CROCC: variants seen among roughly 807,000 people sequenced by gnomAD.
CROCC encodes rootletin.
A neutral mutation model predicts 245.2 loss-of-function variants in CROCC; 180 were observed. The ratio of observed to expected loss-of-function variants is 0.73; its 90% CI spans 0.65 to 0.83. The LOEUF (loss-of-function observed/expected upper bound fraction) is 0.83. Among genes scored for constraint, CROCC ranks in the 40% least tolerant of loss-of-function variants. The pLI, the probability that CROCC is intolerant of heterozygous loss-of-function variation, is 0.00. For synonymous variants in CROCC, 1,205 were observed against 1,241.6 expected, an observed-to-expected ratio of 0.97 and a Z score of 0.62; for missense variants, 2,688 against 2,779.4, an observed-to-expected ratio of 0.97 and a Z score of 0.74.
chr1:16,935,631 A>G (rs2075771624), intron 8 of CROCC, among the ~76,000 whole-genome samples: 1 of 152,258 alleles, frequency 6.6e-6, no homozygotes, highest in African/African-American at 2.4e-5. Flanking sequence ...TCACCGTGAT[A>G]GCCAGGATGG....
At chr1:16,953,576 G>A in intron 21 of CROCC, 95 bp downstream of exon 21, 3 of 1,239,032 alleles carry the variant, frequency 2.4e-6, no homozygotes, top group Non-Finnish European at 3.3e-6. Context: ...GGAGCCCTGG[G>A]GCAGGCCACT....
chr1:16,948,036 A>G (rs1457017662), intron 17 of CROCC, among the ~76,000 whole-genome samples: 2 of 152,356 alleles, frequency 1.3e-5, no homozygotes, highest in East Asian at 3.9e-4. Context: ...ACAGGGTTTC[A>G]CCCCGTTGGC....
chr1:16,951,947 A>G, intron 20 of CROCC: 1 of 151,430 alleles, frequency 6.6e-6, no homozygotes, highest in Non-Finnish European at 1.5e-5. Flanking sequence ...GCTGGATTGC[A>G]GTGGCGCAAT....
intron 8 of CROCC, among the ~76,000 whole-genome samples, chr1:16,935,141 C>G (rs1316858471): frequency 6.6e-6 from 1 of 152,336 alleles, no homozygotes; most frequent in Non-Finnish European, 1.5e-5. Context: ...CTCAGGTGAT[C>G]CTCCTGCCTC....
At chr1:16,945,004 A>C (rs1392740547) in intron 14 of CROCC, among the ~76,000 whole-genome samples, 19 of 152,280 alleles carry the variant, frequency 1.2e-4, no homozygotes, top group African/African-American at 4.6e-4. Context: ...AGGCCAAGGC[A>C]GGCAGATCGC....
intron 20 of CROCC, 101 bp downstream of exon 20, chr1:16,951,223 T>C: frequency 8.9e-7 from 1 of 1,129,088 alleles, no homozygotes. Context: ...GGACTTCCTC[T>C]CTGTTGTGGA....
At chr1:16,914,244 G>A (rs1255854756) in intron 1 of CROCC, among the ~76,000 whole-genome samples, 4 of 152,116 alleles carry the variant, frequency 2.6e-5, no homozygotes, top group Non-Finnish European at 4.4e-5. Flanking sequence ...GGGGCTGGGG[G>A]CGCTGTGTGT....
Position 16,954,571 on chromosome 1 carries a change from C to T in CROCC, c.3322-163C>T, listed in dbSNP as rs983401416. ...TGGCGTGAGGGAGAGGCTGGCTACA[C>T]GGGCAGCACTCACTATGCATCCAGG... On this transcript the variant is annotated intron_variant, in intron 22 of 36. Transcript: ENST00000375541. The surrounding 1 kb of genome is among the most constrained non-coding windows in gnomAD (Gnocchi z 4.4). Among the ~76,000 whole-genome samples the T allele has an allele frequency of 2.6e-5, 4 of 152,200 alleles. No homozygotes were observed. Among genetic ancestry groups the T allele is most frequent in the African/African-American group, 7.2e-5 (3 of 41,450 alleles).
rs931521892 is a variant in CROCC at position 16,966,578 on chromosome 1, A to G, written c.4860+7A>G. On this transcript the variant is annotated splice_region_variant and intron_variant, in intron 30 of 36. Coordinates refer to ENST00000375541, the MANE Select transcript of CROCC (RefSeq NM_014675.5). The surrounding 1 kb of genome is among the most constrained non-coding windows in gnomAD (Gnocchi z 4.8). The stretch of plus-strand genomic sequence containing the variant: ...CGAGCTCCGGGCCAGCCAGGTGGGC[A>G]GGAGCTGAGGGCCAGCGGGGCGACG... The G allele has an allele frequency of 2.0e-6, 3 of 1,468,910 alleles. No homozygotes were observed. The highest frequency in any genetic ancestry group is 2.0e-4 in the Middle Eastern group (1 of 4,980). The allele number at this position is 1,468,910 out of a possible 1,614,324, so 91.0% of individuals were successfully genotyped here. A position where few individuals can be genotyped will look rare whatever the true frequency, so the allele number is the denominator to read the frequency against.
chr1:16,966,346 G>T lies in CROCC; in HGVS notation c.4697-62G>T. 1 of 1,469,276 alleles carries T rather than the reference G, an allele frequency of 6.8e-7. No individual in the cohort carries two copies. Among genetic ancestry groups the T allele is most frequent in the South Asian group, 1.4e-5 (1 of 73,780 alleles). The allele number at this position is 1,469,276 out of a possible 1,614,324, so 91.0% of individuals were successfully genotyped here. A position where few individuals can be genotyped will look rare whatever the true frequency, so the allele number is the denominator to read the frequency against. On this transcript the variant is annotated intron_variant, in intron 29 of 36. Coordinates refer to ENST00000375541, the MANE Select transcript of CROCC (RefSeq NM_014675.5). The surrounding 1 kb of genome is among the most constrained non-coding windows in gnomAD (Gnocchi z 4.8). ...GTGGAGTGCAGGCTGGACATTTTGT[G>T]ACCTGGTTTGGGTCTCGGGGCTGTG...
rs774815102 is a variant in CROCC at position 16,946,843 on chromosome 1, G to T, written c.2366G>T (p.Arg789Leu). ...ACAGTGGCGCGGGAAGAGCAGGAAC[G>T]GCTAGAGGAGCTGCGGTTGGAGCAG... The part of the protein sequence containing the change: ...EATVAREEQE[R>L]LEELRLEQEV... Residue 789 changes from arginine to leucine, a missense_variant, in exon 17 of 37, where the codon CGG (arginine) becomes CTG (leucine). Arg to Leu is a moderately radical substitution (Grantham distance 102). Around this residue, in one of 9 missense-constraint regions of CROCC, gnomAD observed 295 missense variants for 241.7 expected, o/e 1.22. Coordinates refer to ENST00000375541, the MANE Select transcript of CROCC (RefSeq NM_014675.5). The T allele has an allele frequency of 2.6e-6, 4 of 1,554,558 alleles. No homozygotes were observed. The South Asian group carries it at 4.7e-5, about 18-fold the overall frequency.
At position 16,970,276 on chromosome 1, in the gene CROCC, TGAG is replaced by T; in HGVS notation, c.5477_5479del (p.Glu1826del). 6.4e-7 allele frequency: 1 copy of T among 1,550,878 alleles called. No individual in the cohort carries two copies. The highest frequency in any genetic ancestry group is 8.7e-7 in the Non-Finnish European group (1 of 1,146,174). On this transcript the variant is annotated inframe_deletion, in exon 34 of 37. Coordinates refer to ENST00000375541, the MANE Select transcript of CROCC (RefSeq NM_014675.5). ...AGGTGCTGCGGCAGCGGCAGGAGGG[TGAG>T]GCTGCAGCCCTGAACACCGTCCAGA...
Position 16,970,408 on chromosome 1 carries a change from G to C in CROCC, c.5607G>C (p.Leu1869=). 6.2e-7 allele frequency: 1 copy of C among 1,604,874 alleles called. No individual in the cohort carries two copies. Among genetic ancestry groups the C allele is most frequent in the Non-Finnish European group, 8.5e-7 (1 of 1,175,898 alleles). Residue 1869 remains leucine (L), a synonymous_variant, in exon 34 of 37, where the codon CTG becomes CTC. Coordinates refer to ENST00000375541, the MANE Select transcript of CROCC (RefSeq NM_014675.5). The stretch of plus-strand genomic sequence containing the variant: ...AGCGGGAGGTGGAGCGCTCAGCCCT[G>C]CGGCTGGAGAAGGACCGTGTAGCCC... ...AEKREVERSA[L]RLEKDRVALR... is the part of the protein sequence containing the mutation.
rs1557634782 is a variant in CROCC, at chr1:16,960,856, A to G, written c.4131A>G (p.Glu1377=). ...CCCTGGAGGAGGCGCGTGGCACTGA[A>G]AAGCAGCAGCTGGACCACGCCCGCG... The part of the protein sequence containing the change: ...LGSLEEARGT[E]KQQLDHARGL... Residue 1377 remains glutamate, a synonymous_variant, in exon 27 of 37, where the codon GAA becomes GAG. Coordinates refer to ENST00000375541, the MANE Select transcript of CROCC (RefSeq NM_014675.5). The G allele has an allele frequency of 2.0e-6, 3 of 1,519,180 alleles. No individual in the cohort carries two copies. The highest frequency in any genetic ancestry group is 2.4e-5 in the South Asian group (2 of 82,528). 94.1% of individuals were successfully genotyped at this position (1,519,180 alleles called of 1,614,324 possible). A position where few individuals can be genotyped will look rare whatever the true frequency, so the allele number is the denominator to read the frequency against.
At chr1:16,933,340 G>T (rs2100381211) in intron 8 of CROCC, among the ~76,000 whole-genome samples, 2 of 152,354 alleles carry the variant, frequency 1.3e-5, no homozygotes, top group East Asian at 3.9e-4. Flanking sequence ...GGTGACACAT[G>T]CCTGTAATCC....
intron 2 of CROCC, among the ~76,000 whole-genome samples, chr1:16,923,047 C>T (rs59842660): frequency 0.042 from 6,337 of 150,790 alleles, no homozygotes; most frequent in Non-Finnish European, 0.05. Context: ...TTGCCTGTAG[C>T]CTGCTGCAGA....
chr1:16,935,885 C>T (rs2075776679), intron 8 of CROCC, among the ~76,000 whole-genome samples: 1 of 152,290 alleles, frequency 6.6e-6, no homozygotes, highest in African/African-American at 2.4e-5. Flanking sequence ...CTCCTCTGTG[C>T]TGGGGTATAT....
At chr1:16,955,955 C>A in intron 24 of CROCC, 42 bp from the exon 25 acceptor site, 1 of 1,547,870 alleles carries the variant, frequency 6.5e-7, no homozygotes, top group Non-Finnish European at 8.7e-7. Flanking sequence ...CCACTGACTA[C>A]TCCCAGGACC....
intron 19 of CROCC, 128 bp from the exon 20 acceptor site, chr1:16,950,825 C>T (rs1027788524): frequency 2.7e-6 from 2 of 745,854 alleles, no homozygotes; most frequent in Non-Finnish European, 4.1e-6. Context: ...TCAAGAGGAC[C>T]CAAACTAGAT....
Sources: gnomAD v4.1 joint callset for allele counts (sites outside exome capture counted in the v4.1 genomes callset) on GRCh38, gnomAD v4.1.1 for gene constraint, gnomAD v4.1.1 regional missense constraint, Gnocchi (gnomAD v3.1) non-coding constraint, MANE v1.5 for transcripts, NCBI Gene and HGNC (gene_info 2026-07-23, HGNC 2026-07-21) for gene names.